The following PCSK5 variants were observed in gnomAD, a reference collection of about 807,000 sequenced individuals.
PCSK5 encodes the protein prohormone convertase 5.
Under a neutral mutation model 233.2 loss-of-function variants are expected in PCSK5, and 129 were observed. That is an observed-to-expected ratio of 0.55 (90% CI 0.48 to 0.64). The LOEUF (loss-of-function observed/expected upper bound fraction) is 0.64. PCSK5 is among the 30% of genes least tolerant of loss of function. The pLI, the probability that PCSK5 is intolerant of heterozygous loss-of-function variation, is 0.00. For synonymous variants in PCSK5, 825 were observed against 879.2 expected, an observed-to-expected ratio of 0.94 and a Z score of 1.09; for missense variants, 2,076 against 2,430.1, an observed-to-expected ratio of 0.85 and a Z score of 3.06.
Position 75,932,396 on chromosome 9 carries a change from C to T in PCSK5, c.210C>T (p.Asp70=). ...CTTTGCAGATAGGGGCCCTGAAGGA[C>T]TACTACCACTTCTACCATAGCAGGA... ...INIGQIGALK[D]YYHFYHSRTI... The change falls in exon 2 of 38, where the codon GAC becomes GAT. Residue 70 remains aspartate, a synonymous_variant. Coordinates refer to ENST00000674117, the MANE Select transcript of PCSK5 (RefSeq NM_001372043.1). 6.2e-7 allele frequency: 1 copy of T among 1,609,478 alleles called. No homozygotes were observed. The highest frequency in any genetic ancestry group is 8.5e-7 in the Non-Finnish European group (1 of 1,175,952).
rs1010262365 is a variant in PCSK5, at chr9:76,302,289, T to C, written c.3604+72T>C. ...TCTGGAGATGGTCTCCGTGGAGAAATCACCCCAAGAAGCTGGGAGGCCAGA... is the reference window on the plus strand; with the variant it reads ...TCTGGAGATGGTCTCCGTGGAGAAACCACCCCAAGAAGCTGGGAGGCCAGA... On this transcript the variant is annotated intron_variant, in intron 28 of 37. Coordinates refer to ENST00000674117, the MANE Select transcript of PCSK5 (RefSeq NM_001372043.1). 7.1e-6 allele frequency: 5 copies of C among 702,020 alleles called. No homozygotes were observed. In the Admixed American group the frequency reaches 1.7e-4, roughly 24 times the overall value. 43.5% of individuals were successfully genotyped at this position (702,020 alleles called of 1,614,324 possible). A position where few individuals can be genotyped will look rare whatever the true frequency, so the allele number is the denominator to read the frequency against.
chr9:76,184,594 G>A, intron 16 of PCSK5, 79 bp from the exon 17 acceptor site: 9 of 862,138 alleles, frequency 1.0e-5, no homozygotes, highest in Non-Finnish European at 1.5e-5. Context: ...GCATACATTA[G>A]CAAGCATTAG....
intron 1 of PCSK5, among the ~76,000 whole-genome samples, chr9:75,908,556 A>G (rs151261794): frequency 9.2e-5 from 14 of 151,794 alleles, no homozygotes; most frequent in African/African-American, 3.1e-4. Flanking sequence ...TCCTTCTTTA[A>G]TGTTCTCAAC....
chr9:76,277,979 A>T (rs1002534069), intron 24 of PCSK5, among the ~76,000 whole-genome samples: 1 of 152,208 alleles, frequency 6.6e-6, no homozygotes, highest in African/African-American at 2.4e-5. Context: ...ACCCTGGGAG[A>T]ATATGCATTA....
At chr9:76,339,625 A>G (rs1587351770) in intron 35 of PCSK5, among the ~76,000 whole-genome samples, 1 of 152,144 alleles carries the variant, frequency 6.6e-6, no homozygotes, top group Admixed American at 6.5e-5. Context: ...GCTCACTGCA[A>G]CCTCCGCCTC....
intron 2 of PCSK5, among the ~76,000 whole-genome samples, chr9:75,974,006 G>T (rs1244724626): frequency 1.3e-5 from 2 of 152,236 alleles, no homozygotes; most frequent in African/African-American, 4.8e-5. Context: ...TGGTGGGGGA[G>T]ATTCGCTGCT....
intron 6 of PCSK5, among the ~76,000 whole-genome samples, chr9:76,071,289 G>A (rs11144741): frequency 0.16 from 24,991 of 152,074 alleles, 2,096 homozygotes; most frequent in East Asian, 0.23. Context: ...GAGGATACGA[G>A]ACCATCCTAC....
intron 5 of PCSK5, among the ~76,000 whole-genome samples, chr9:76,049,823 A>G (rs893829487): frequency 5.9e-5 from 9 of 152,254 alleles, no homozygotes; most frequent in African/African-American, 1.9e-4. Flanking sequence ...TCAGGCATTT[A>G]TAATATCATC....
chr9:75,996,801 G>C lies in PCSK5; in HGVS notation c.411+10556G>C, dbSNP rs149840307. ...TGGGCCCCTCTCTGCCATGATGGTG[G>C]TTCTGTTAACAAAGTTTTTTTTTTT... On this transcript the variant is annotated intron_variant, in intron 3 of 37. Coordinates refer to ENST00000674117, the MANE Select transcript of PCSK5 (RefSeq NM_001372043.1). Among the ~76,000 whole-genome samples the C allele has an allele frequency of 6.0e-4, 86 of 144,284 alleles. 1 individual carries two copies. Among genetic ancestry groups the C allele is most frequent in the South Asian group, 9.0e-4 (4 of 4,448 alleles). 94.7% of individuals were successfully genotyped at this position (144,284 alleles called of 152,430 possible). A position where few individuals can be genotyped will look rare whatever the true frequency, so the allele number is the denominator to read the frequency against.
intron 24 of PCSK5, among the ~76,000 whole-genome samples, chr9:76,254,872 A>ATAG: frequency 6.6e-6 from 1 of 152,324 alleles, no homozygotes; most frequent in Admixed American, 6.5e-5. Context: ...GATAGGCCAG[A>ATAG]AGTTCTCAGC....
chr9:76,151,323 G>C (rs974781180), intron 10 of PCSK5, among the ~76,000 whole-genome samples: 3 of 152,112 alleles, frequency 2.0e-5, no homozygotes, highest in African/African-American at 7.2e-5. Flanking sequence ...AGGGAATTTG[G>C]GTAACTACCT....
At chr9:75,974,200 A>G (rs1587443474) in intron 2 of PCSK5, among the ~76,000 whole-genome samples, 1 of 152,202 alleles carries the variant, frequency 6.6e-6, no homozygotes, top group Non-Finnish European at 1.5e-5. Context: ...ACACATGGAG[A>G]CTGCCAGGAA....
At chr9:75,987,071 T>C (rs1826547719) in intron 3 of PCSK5, among the ~76,000 whole-genome samples, 1 of 152,244 alleles carries the variant, frequency 6.6e-6, no homozygotes, top group Non-Finnish European at 1.5e-5. Flanking sequence ...ACTTTAGTTT[T>C]TGTATTCCTG....
intron 36 of PCSK5, among the ~76,000 whole-genome samples, chr9:76,353,020 CAAA>C (rs11450483): frequency 1.4e-5 from 2 of 147,782 alleles, no homozygotes; most frequent in Admixed American, 1.4e-4. Flanking sequence ...AAGCCCGTCT[CAAA>C]AAAAAAAATT....
chr9:75,890,067 T>C (rs1039560976), upstream of PCSK5, among the ~76,000 whole-genome samples: 4 of 152,194 alleles, frequency 2.6e-5, no homozygotes, highest in Non-Finnish European at 4.4e-5. Flanking sequence ...AAGGCCGGAA[T>C]TGTACTCTCC....
At chr9:76,014,733 C>T (rs772533619) in intron 3 of PCSK5, among the ~76,000 whole-genome samples, 3 of 152,168 alleles carry the variant, frequency 2.0e-5, no homozygotes, top group African/African-American at 4.8e-5. Context: ...GAATAATCAA[C>T]AACCCCATAT....
intron 3 of PCSK5, among the ~76,000 whole-genome samples, chr9:75,993,515 C>G (rs543297484): frequency 1.3e-5 from 2 of 152,118 alleles, no homozygotes; most frequent in Non-Finnish European, 2.9e-5. Context: ...TGATCTCCAG[C>G]CAAGAGCTAC....
chr9:76,257,453 C>G, intron 24 of PCSK5, among the ~76,000 whole-genome samples: 1 of 152,140 alleles, frequency 6.6e-6, no homozygotes, highest in East Asian at 1.9e-4. Context: ...CAGTAAATTG[C>G]CTCTGCACCT....
In PCSK5 at chr9:75,963,817, T is replaced by G. The variant is rs140498175; in HGVS notation, c.298-22315T>G. On this transcript the variant is annotated intron_variant, in intron 2 of 37. Coordinates refer to ENST00000674117, the MANE Select transcript of PCSK5 (RefSeq NM_001372043.1). Reference sequence around the variant, plus strand: ...TTGCTTGAACCCAGGAGGCAAAGGTTGCAGTGAGCCGAAATCGTGCCATTG... The same window carrying G: ...TTGCTTGAACCCAGGAGGCAAAGGTGGCAGTGAGCCGAAATCGTGCCATTG... Among the ~76,000 whole-genome samples the G allele has an allele frequency of 4.0e-3, 606 of 152,294 alleles. 6 individuals carry two copies. Among genetic ancestry groups the G allele is most frequent in the African/African-American group, 0.013 (559 of 41,556 alleles).
Sources: gnomAD v4.1 joint callset for allele counts (sites outside exome capture counted in the v4.1 genomes callset) on GRCh38, gnomAD v4.1.1 for gene constraint, MANE v1.5 for transcripts, NCBI Gene and HGNC (gene_info 2026-07-23, HGNC 2026-07-21) for gene names.